CDKAL1: variants seen among roughly 807,000 people sequenced by gnomAD.
CDKAL1 encodes the protein threonylcarbamoyladenosine tRNA methylthiotransferase.
A neutral mutation model predicts 68.2 loss-of-function variants in CDKAL1; 32 were observed. The observed-to-expected ratio is 0.47, with a 90% CI of 0.35 to 0.63. The LOEUF is 0.63. Ranked by LOEUF, CDKAL1 falls within the 30% of genes least tolerant of loss-of-function variation. The pLI is 0.00. For synonymous variants in CDKAL1, 234 were observed against 244.3 expected, an observed-to-expected ratio of 0.96 and a Z score of 0.39; for missense variants, 606 against 696.7, an observed-to-expected ratio of 0.87 and a Z score of 1.47.
chr6:21,190,663 G>A (rs1453880994), intron 13 of CDKAL1, among the ~76,000 whole-genome samples: 1 of 151,818 alleles, frequency 6.6e-6, no homozygotes, highest in South Asian at 2.1e-4. Context: ...CGCTGCGCCC[G>A]GGCTGATATG....
intron 8 of CDKAL1, among the ~76,000 whole-genome samples, chr6:20,833,639 A>G (rs1190213492): frequency 6.6e-6 from 1 of 152,190 alleles, no homozygotes; most frequent in Non-Finnish European, 1.5e-5. Context: ...GTAAAAGGAA[A>G]ATAATAGAAA....
At chr6:20,991,837 G>C (rs1363571532) in intron 10 of CDKAL1, among the ~76,000 whole-genome samples, 2 of 148,276 alleles carry the variant, frequency 1.3e-5, no homozygotes, top group Non-Finnish European at 3.0e-5. Context: ...GCAACATAGC[G>C]AGACCCTGTC....
intron 4 of CDKAL1, among the ~76,000 whole-genome samples, chr6:20,618,473 C>A (rs141554679): frequency 6.6e-6 from 1 of 152,070 alleles, no homozygotes; most frequent in Non-Finnish European, 1.5e-5. Flanking sequence ...CTGTTTTAGT[C>A]GTGAAGTCCT....
chr6:20,663,552 A>T (rs1769387835), intron 5 of CDKAL1, among the ~76,000 whole-genome samples: 1 of 152,106 alleles, frequency 6.6e-6, no homozygotes, highest in African/African-American at 2.4e-5. Context: ...CTGATGAAGG[A>T]ATAACAGAAT....
At chr6:20,971,988 C>T (rs1261599976) in intron 10 of CDKAL1, among the ~76,000 whole-genome samples, 2 of 152,160 alleles carry the variant, frequency 1.3e-5, no homozygotes, top group Non-Finnish European at 2.9e-5. Context: ...TCAACACTTG[C>T]TTTGACAGTG....
rs781085398 is a variant in CDKAL1, at chr6:21,065,072, A to G, written c.1080A>G (p.Thr360=). 1.3e-6 allele frequency: 2 copies of G among 1,581,846 alleles called. 1 individual carries two copies. The highest frequency in any genetic ancestry group is 2.5e-5 in the South Asian group (2 of 81,596). Residue 360 remains threonine, a synonymous_variant, in exon 12 of 16, where the codon ACA becomes ACG. Transcript: ENST00000274695. Reference sequence around the variant, plus strand: ...GAGTTCCTGGAATAACTATTGCTACAGATATTATCTGTGGTTTTCCTGGAG... The same window carrying G: ...GAGTTCCTGGAATAACTATTGCTACGGATATTATCTGTGGTTTTCCTGGAG... ...KEKVPGITIA[T]DIICGFPGET...
chr6:21,050,534 G>A (rs1770484795), intron 11 of CDKAL1, among the ~76,000 whole-genome samples: 1 of 152,224 alleles, frequency 6.6e-6, no homozygotes. Context: ...CCCAAAGGCA[G>A]AAAGTTCCTT....
At chr6:20,861,555 T>C (rs1444183007) in intron 9 of CDKAL1, among the ~76,000 whole-genome samples, 1 of 152,260 alleles carries the variant, frequency 6.6e-6, no homozygotes, top group African/African-American at 2.4e-5. Context: ...TTTCCTTCTC[T>C]CTCTATAAAA....
At chr6:20,958,854 A>C (rs894621562) in intron 10 of CDKAL1, among the ~76,000 whole-genome samples, 3 of 152,112 alleles carry the variant, frequency 2.0e-5, no homozygotes, top group Non-Finnish European at 4.4e-5. Flanking sequence ...CTTCTTATTC[A>C]CCTGACTCTC....
chr6:20,774,380 G>T (rs902399306), intron 7 of CDKAL1, among the ~76,000 whole-genome samples: 49 of 152,136 alleles, frequency 3.2e-4, no homozygotes, highest in Admixed American at 4.6e-4. Context: ...ATATTTTGTA[G>T]CTAGTTATGT....
chr6:21,158,803 ACT>A (rs1166479733), intron 13 of CDKAL1, among the ~76,000 whole-genome samples: 2 of 152,180 alleles, frequency 1.3e-5, no homozygotes, highest in African/African-American at 4.8e-5. Flanking sequence ...ATCTTTTAAA[ACT>A]CTGACTAGAA....
chr6:20,858,488 A>G lies in CDKAL1; in HGVS notation c.742+12310A>G, dbSNP rs1415319878. 2.0e-5 allele frequency among the ~76,000 whole-genome samples: 3 copies of G among 152,082 alleles called. No homozygotes were observed. The East Asian group carries it at 5.8e-4, about 29-fold the overall frequency. ...GCCTGTAATGTGAAAATAATTCTTCATTTTTTATCAACATGAATGAAGTAA... is the reference window on the plus strand; with the variant it reads ...GCCTGTAATGTGAAAATAATTCTTCGTTTTTTATCAACATGAATGAAGTAA... On this transcript the variant is annotated intron_variant, in intron 9 of 15. Coordinates refer to ENST00000274695, the MANE Select transcript of CDKAL1 (RefSeq NM_017774.3).
chr6:20,892,117 A>G (rs949591516), intron 9 of CDKAL1, among the ~76,000 whole-genome samples: 1 of 152,202 alleles, frequency 6.6e-6, no homozygotes, highest in Non-Finnish European at 1.5e-5. Context: ...GGTTAAGGTA[A>G]TGAAGAAGAC....
intron 11 of CDKAL1, among the ~76,000 whole-genome samples, chr6:21,014,920 T>A (rs1057012415): frequency 2.0e-5 from 3 of 152,222 alleles, no homozygotes; most frequent in African/African-American, 7.2e-5. Context: ...CTGCTAGAGG[T>A]TTTTTTCTAA....
Position 20,758,613 on chromosome 6 carries a change from G to A in CDKAL1, c.487G>A (p.Val163Met). ...TTTCCAGGTTCAGCAGATAGATCGT[G>A]TGGTAGAAGTTGTGGAGGAGACAAT... ...SIIGVQQIDR[V>M]VEVVEETIKG... The change falls in exon 7 of 16, where the codon GTG becomes ATG. Residue 163 changes from valine (V) to methionine (M), a missense_variant. Coordinates refer to ENST00000274695, the MANE Select transcript of CDKAL1 (RefSeq NM_017774.3). 3 of 1,608,286 alleles carry A rather than the reference G, an allele frequency of 1.9e-6. No individual in the cohort carries two copies. The highest frequency in any genetic ancestry group is 2.5e-6 in the Non-Finnish European group (3 of 1,177,788).
At chr6:20,562,444 A>G (rs1035961685) in intron 4 of CDKAL1, among the ~76,000 whole-genome samples, 1 of 152,134 alleles carries the variant, frequency 6.6e-6, no homozygotes, top group Non-Finnish European at 1.5e-5. Context: ...GGATGAAATT[A>G]AATCCATCAA....
intron 4 of CDKAL1, among the ~76,000 whole-genome samples, chr6:20,593,205 C>T (rs1050338555): frequency 4.6e-5 from 7 of 152,088 alleles, no homozygotes; most frequent in Non-Finnish European, 5.9e-5. Context: ...GGGAGGAGTC[C>T]TTCTTTTTCT....
chr6:20,574,433 A>G (rs894153716), intron 4 of CDKAL1, among the ~76,000 whole-genome samples: 2 of 152,200 alleles, frequency 1.3e-5, no homozygotes, highest in Non-Finnish European at 1.5e-5. Context: ...TGATGGGCAG[A>G]CATTTTCTTT....
intron 8 of CDKAL1, among the ~76,000 whole-genome samples, chr6:20,797,636 A>C (rs1776161789): frequency 6.6e-6 from 1 of 152,160 alleles, no homozygotes; most frequent in African/African-American, 2.4e-5. Flanking sequence ...CGTTCACTTA[A>C]TTGAATACCA....
Sources: allele counts gnomAD v4.1 joint callset (sites outside exome capture counted in the v4.1 genomes callset), GRCh38; gene constraint gnomAD v4.1.1; transcripts MANE v1.5; gene names NCBI Gene and HGNC (gene_info 2026-07-23, HGNC 2026-07-21).